PCDHGA11: variants seen among roughly 807,000 people sequenced by gnomAD.
PCDHGA11 encodes protocadherin gamma subfamily A, 11.
PCDHGA11 carries 39 observed loss-of-function variants against 60.4 expected under a neutral mutation model. The ratio of observed to expected loss-of-function variants is 0.65; its 90% CI spans 0.50 to 0.84. The LOEUF is 0.84. PCDHGA11 is among the 40% of genes least tolerant of loss of function. PCDHGA11 has a pLI of 0.00. For synonymous variants in PCDHGA11, 533 were observed against 510.3 expected (o/e 1.04, Z -0.60); for missense variants, 1,165 against 1,197.7 (o/e 0.97, Z 0.40).
chr5:141,437,978 C>T (rs1014157103), intron 1 of PCDHGA11, among the ~76,000 whole-genome samples: 2 of 152,212 alleles, frequency 1.3e-5, no homozygotes, highest in East Asian at 1.9e-4. Context: ...TCTTGGGATG[C>T]ACCCACCCCA....
Position 141,423,253 on chromosome 5 carries a change from C to G in PCDHGA11, c.2026C>G (p.Leu676Val), listed in dbSNP as rs750278899. 1 of 1,613,916 alleles carries G rather than the reference C, an allele frequency of 6.2e-7. No homozygotes were observed. Among genetic ancestry groups the G allele is most frequent in the Admixed American group, 1.7e-5 (1 of 60,030 alleles). The change falls in exon 1 of 4, where the codon CTC becomes GTC. Residue 676 changes from leucine to valine, a missense_variant. By Grantham distance (32) the Leu-to-Val change is conservative. Coordinates refer to ENST00000398587, the MANE Select transcript of PCDHGA11 (RefSeq NM_018914.3). ...ADSIPEVLAD[L>V]GSLESLANSE... ...CAGCATCCCCGAAGTCCTGGCGGAC[C>G]TCGGCAGCCTCGAGTCTCTGGCTAA... is the stretch of plus-strand genomic sequence containing the variant.
rs980166515 is a variant in PCDHGA11 at position 141,422,637 on chromosome 5, C to T, written c.1410C>T (p.Ala470=). 141 of 1,612,568 alleles carry T rather than the reference C, an allele frequency of 8.7e-5. No individual in the cohort carries two copies. The highest frequency in any genetic ancestry group is 1.2e-4 in the Non-Finnish European group (138 of 1,179,226). ...TTCCCGAAAACAACCCCAGGGGTGCCTCCATCTTCTCAGTGACCGCCCTCG... is the reference window on the plus strand; with the variant it reads ...TTCCCGAAAACAACCCCAGGGGTGCTTCCATCTTCTCAGTGACCGCCCTCG... ...AYIPENNPRG[A]SIFSVTALDP... Residue 470 remains alanine (A), a synonymous_variant, in exon 1 of 4, where the codon GCC becomes GCT. Coordinates refer to ENST00000398587, the MANE Select transcript of PCDHGA11 (RefSeq NM_018914.3).
intron 1 of PCDHGA11, chr5:141,478,523 G>T (rs2099461821): frequency 6.2e-7 from 1 of 1,609,908 alleles, no homozygotes; most frequent in Non-Finnish European, 8.5e-7. Context: ...GGTGTTGGGT[G>T]CAGAGAGCGC....
At position 141,486,791 on chromosome 5, in the gene PCDHGA11, C is replaced by T. The variant is rs766519569; in HGVS notation, c.2434-8016C>T. 1.8e-5 allele frequency: 29 copies of T among 1,614,108 alleles called. No homozygotes were observed. The highest frequency in any genetic ancestry group is 2.2e-5 in the Non-Finnish European group (26 of 1,180,054). On this transcript the variant is annotated intron_variant, in intron 1 of 3. Coordinates refer to ENST00000398587, the MANE Select transcript of PCDHGA11 (RefSeq NM_018914.3). The surrounding 1 kb of genome is among the most constrained non-coding windows in gnomAD (Gnocchi z 5.0). ...GCAGTTTGAGGTGCAGGCCCGGGAT[C>T]GGGGCAACCCACCCCTTAGCAGCAC...
Position 141,423,256 on chromosome 5 carries a change from G to T in PCDHGA11, c.2029G>T (p.Gly677Cys), listed in dbSNP as rs751894091. 22 of 1,613,816 alleles carry T rather than the reference G, an allele frequency of 1.4e-5. No homozygotes were observed. Among genetic ancestry groups the T allele is most frequent in the Middle Eastern group, 1.6e-4 (1 of 6,084 alleles). The stretch of plus-strand genomic sequence containing the variant: ...CATCCCCGAAGTCCTGGCGGACCTC[G>T]GCAGCCTCGAGTCTCTGGCTAACTC... ...DSIPEVLADL[G>C]SLESLANSET... is the part of the protein sequence containing the mutation. The change falls in exon 1 of 4, where the codon GGC becomes TGC. Residue 677 changes from glycine to cysteine, a missense_variant. Coordinates refer to ENST00000398587, the MANE Select transcript of PCDHGA11 (RefSeq NM_018914.3).
intron 1 of PCDHGA11, chr5:141,442,107 C>A: frequency 6.0e-6 from 1 of 166,198 alleles, no homozygotes; most frequent in Non-Finnish European, 1.3e-5. Flanking sequence ...CCACCACTAC[C>A]GCCCCTCGTC....
In PCDHGA11 at chr5:141,490,004, CA is replaced by C; in HGVS notation, c.2434-4802del. 1 of 1,614,174 alleles carries C rather than the reference CA, an allele frequency of 6.2e-7. No individual in the cohort carries two copies. Among genetic ancestry groups the C allele is most frequent in the Admixed American group, 1.7e-5 (1 of 60,034 alleles). ...CTACGTGTGGGAATCCCAGAGAATG[CA>C]CCCATTGGTACTCTGCTGCTCCGCC... On this transcript the variant is annotated intron_variant, in intron 1 of 3. Transcript: ENST00000398587. This position sits in a 1 kb window ranked among gnomAD's most constrained non-coding sequence, Gnocchi z 5.4.
At position 141,490,807 on chromosome 5, in the gene PCDHGA11, G is replaced by T. The variant is rs1315856354; in HGVS notation, c.2434-4000G>T. Reference sequence around the variant, plus strand: ...ACGGATCTTTGCCCAGCGTACCTTTGACTATGAATTGCTGCAGATGCTGCA... The same window carrying T: ...ACGGATCTTTGCCCAGCGTACCTTTTACTATGAATTGCTGCAGATGCTGCA... On this transcript the variant is annotated intron_variant, in intron 1 of 3. Transcript: ENST00000398587. This position sits in a 1 kb window ranked among gnomAD's most constrained non-coding sequence, Gnocchi z 5.4. 6.2e-7 allele frequency: 1 copy of T among 1,613,924 alleles called. No individual in the cohort carries two copies. The highest frequency in any genetic ancestry group is 8.5e-7 in the Non-Finnish European group (1 of 1,179,870).
At position 141,478,875 on chromosome 5, in the gene PCDHGA11, G is replaced by A. The variant is rs913320768; in HGVS notation, c.2434-15932G>A. On this transcript the variant is annotated intron_variant, in intron 1 of 3. Coordinates refer to ENST00000398587, the MANE Select transcript of PCDHGA11 (RefSeq NM_018914.3). ...ACAAGATCTCAGCGATCAGAGTTTA[G>A]CTTGGTATCATTTACATTAGGAATA... The A allele has an allele frequency of 2.4e-6, 3 of 1,273,470 alleles. No homozygotes were observed. The South Asian group carries it at 4.8e-5, about 21-fold the overall frequency. 78.9% of individuals were successfully genotyped at this position (1,273,470 alleles called of 1,614,324 possible).
In PCDHGA11 at chr5:141,485,027, G is replaced by A. The variant is rs1594439784; in HGVS notation, c.2434-9780G>A. ...AATCTACCCCGCCACCAGCAAAAAC[G>A]GCGCGTAACCCTTGCGGCGCCGGCC... is the stretch of plus-strand genomic sequence containing the variant. On this transcript the variant is annotated intron_variant, in intron 1 of 3. Coordinates refer to ENST00000398587, the MANE Select transcript of PCDHGA11 (RefSeq NM_018914.3). The surrounding 1 kb of genome is among the most constrained non-coding windows in gnomAD (Gnocchi z 5.7). 1.5e-6 allele frequency: 1 copy of A among 662,546 alleles called. No individual in the cohort carries two copies. Among genetic ancestry groups the A allele is most frequent in the South Asian group, 1.9e-5 (1 of 53,596 alleles). The allele number at this position is 662,546 out of a possible 1,614,324, so 41.0% of individuals were successfully genotyped here.
Position 141,431,485 on chromosome 5 carries a change from T to G in PCDHGA11, c.2433+7825T>G. 2 of 1,613,924 alleles carry G rather than the reference T, an allele frequency of 1.2e-6. No individual in the cohort carries two copies. Among genetic ancestry groups the G allele is most frequent in the Non-Finnish European group, 1.7e-6 (2 of 1,179,990 alleles). ...ATGCGAACGACAACGCACCAGCGTTTGCTCAGCCCGAGTACCGCGCGAGCG... is the reference window on the plus strand; with the variant it reads ...ATGCGAACGACAACGCACCAGCGTTGGCTCAGCCCGAGTACCGCGCGAGCG... On this transcript the variant is annotated intron_variant, in intron 1 of 3. Coordinates refer to ENST00000398587, the MANE Select transcript of PCDHGA11 (RefSeq NM_018914.3). This position sits in a 1 kb window ranked among gnomAD's most constrained non-coding sequence, Gnocchi z 4.8.
Position 141,494,855 on chromosome 5 carries a change from G to A in PCDHGA11, c.2482G>A (p.Gly828Ser), listed in dbSNP as rs200418116. The A allele has an allele frequency of 4.8e-4, 774 of 1,614,092 alleles. 7 individuals carry two copies. The South Asian group carries it at 5.1e-3, about 11-fold the overall frequency. ...GCGTTTCTCTCAGGCCCAGAGACCC[G>A]GCACCAGCGGGTAGGTGACTGATTC... is the stretch of plus-strand genomic sequence containing the variant. ...DWRFSQAQRP[G>S]TSGSQNGDDT... Residue 828 changes from glycine (G) to serine (S), a missense_variant, in exon 2 of 4, where the codon GGC becomes AGC. Coordinates refer to ENST00000398587, the MANE Select transcript of PCDHGA11 (RefSeq NM_018914.3).
At chr5:141,496,402 G>T (rs551923899) in intron 2 of PCDHGA11, among the ~76,000 whole-genome samples, 183 of 152,248 alleles carry the variant, frequency 1.2e-3, no homozygotes, top group African/African-American at 4.0e-3. Flanking sequence ...CCTCCTCAAT[G>T]GTTGAGTACT....
At chr5:141,457,719 G>T (rs1437841051) in intron 1 of PCDHGA11, among the ~76,000 whole-genome samples, 1 of 152,226 alleles carries the variant, frequency 6.6e-6, no homozygotes, top group Non-Finnish European at 1.5e-5. Context: ...GTTCCACAAG[G>T]AATTTCAGAT....
chr5:141,487,135 A>G lies in PCDHGA11; in HGVS notation c.2434-7672A>G. 6.2e-7 allele frequency: 1 copy of G among 1,613,544 alleles called. No individual in the cohort carries two copies. The highest frequency in any genetic ancestry group is 8.5e-7 in the Non-Finnish European group (1 of 1,179,856). ...TGGTAAAGGATAGTGGTAGTCCACC[A>G]CTCTCTACCTCTGTTACTCTCTTAG... On this transcript the variant is annotated intron_variant, in intron 1 of 3. Transcript: ENST00000398587. The surrounding 1 kb of genome is among the most constrained non-coding windows in gnomAD (Gnocchi z 5.0).
chr5:141,500,877 A>ATTT (rs369345007), intron 2 of PCDHGA11, among the ~76,000 whole-genome samples: 1 of 122,288 alleles, frequency 8.2e-6, no homozygotes, highest in Admixed American at 8.0e-5. Context: ...TTCATTTACA[A>ATTT]TTTTTTTTTT....
intron 1 of PCDHGA11, among the ~76,000 whole-genome samples, chr5:141,480,730 G>T (rs1261461187): frequency 6.6e-6 from 1 of 152,168 alleles, no homozygotes; most frequent in Non-Finnish European, 1.5e-5. Flanking sequence ...GTCTCTGGGG[G>T]TGGGACATAG....
intron 1 of PCDHGA11, chr5:141,433,208 C>CT (rs745329085): frequency 0.022 from 27,155 of 1,216,152 alleles, no homozygotes; most frequent in Non-Finnish European, 0.026. Flanking sequence ...AATCTTCTTT[C>CT]TTTTTTTTTT....
intron 1 of PCDHGA11, among the ~76,000 whole-genome samples, chr5:141,468,273 C>T (rs894110332): frequency 1.4e-5 from 2 of 144,550 alleles, no homozygotes; most frequent in Non-Finnish European, 3.0e-5. Flanking sequence ...TGTGGTGAGC[C>T]GAGACCACGC....
Sources: allele counts gnomAD v4.1 joint callset (sites outside exome capture counted in the v4.1 genomes callset), GRCh38; gene constraint gnomAD v4.1.1; non-coding constraint Gnocchi (gnomAD v3.1); transcripts MANE v1.5; gene names NCBI Gene and HGNC (gene_info 2026-07-23, HGNC 2026-07-21).